TUSC3: variants seen among roughly 807,000 people sequenced by gnomAD.
TUSC3 encodes tumor suppressor candidate 3, also known as dolichyl-diphosphooligosaccharide--protein glycosyltransferase subunit TUSC3.
A neutral mutation model predicts 44.8 loss-of-function variants in TUSC3; 45 were observed. The ratio of observed to expected loss-of-function variants is 1.00; its 90% CI spans 0.79 to 1.29. TUSC3 has a LOEUF of 1.29. Ranked by LOEUF, TUSC3 falls within the 50% of genes most tolerant of loss-of-function variation. TUSC3 has a pLI of 0.00. For synonymous variants in TUSC3, 212 were observed against 152.9 expected, an observed-to-expected ratio of 1.39 and a Z score of -2.85; for missense variants, 519 against 437.9, an observed-to-expected ratio of 1.19 and a Z score of -1.65.
At chr8:15,540,708 G>T (rs989552972) in intron 1 of TUSC3, 140 bp downstream of exon 1, 4 of 1,223,832 alleles carry the variant, frequency 3.3e-6, no homozygotes, top group Non-Finnish European at 4.4e-6. Context: ...AGCCGCGAGG[G>T]TGGGAGGCCC....
chr8:15,679,804 A>G (rs554723565), intron 6 of TUSC3, among the ~76,000 whole-genome samples: 1 of 152,278 alleles, frequency 6.6e-6, no homozygotes, highest in South Asian at 2.1e-4. Context: ...ATTCTTTTGC[A>G]TATGGCTAGC....
intron 1 of TUSC3, among the ~76,000 whole-genome samples, chr8:15,449,564 G>A (rs1483857413): frequency 1.3e-5 from 2 of 152,050 alleles, no homozygotes; most frequent in Non-Finnish European, 2.9e-5. Flanking sequence ...TGAAACTGCT[G>A]GTTTCTCTTT....
intron 2 of TUSC3, among the ~76,000 whole-genome samples, chr8:15,649,413 T>C (rs1250250844): frequency 6.6e-6 from 1 of 151,602 alleles, no homozygotes; most frequent in Non-Finnish European, 1.5e-5. Context: ...TGAAACCCCG[T>C]CTCTACTAAA....
At chr8:15,846,935 T>C in the TUSC3 span, among the ~76,000 whole-genome samples, 1 of 149,480 alleles carries the variant, frequency 6.7e-6, no homozygotes, top group Non-Finnish European at 1.5e-5. Context: ...TGATTCATAA[T>C]AGGTGTTTCT....
chr8:15,550,063 C>A (rs1478176786), intron 1 of TUSC3, among the ~76,000 whole-genome samples: 1 of 151,696 alleles, frequency 6.6e-6, no homozygotes, highest in African/African-American at 2.4e-5. Context: ...CTGCTCACAC[C>A]TGCACCAGTA....
chr8:15,468,643 C>G (rs903499287), intron 1 of TUSC3, among the ~76,000 whole-genome samples: 3 of 152,084 alleles, frequency 2.0e-5, no homozygotes, highest in African/African-American at 2.4e-5. Flanking sequence ...TTGGTTTTAA[C>G]TCATTCAATT....
the TUSC3 span, among the ~76,000 whole-genome samples, chr8:15,813,324 G>T: frequency 2.0e-4 from 30 of 151,564 alleles, no homozygotes; most frequent in East Asian, 2.1e-3. Context: ...TCAACTCAAG[G>T]CAGCTGAGTC....
intron 2 of TUSC3, among the ~76,000 whole-genome samples, chr8:15,508,948 G>C (rs1467654667): frequency 6.6e-6 from 1 of 152,188 alleles, no homozygotes; most frequent in Non-Finnish European, 1.5e-5. Flanking sequence ...TGAAAGTTTA[G>C]AAAGTTATAT....
intron 1 of TUSC3, among the ~76,000 whole-genome samples, chr8:15,587,522 G>A (rs1400912402): frequency 3.9e-5 from 6 of 152,112 alleles, no homozygotes; most frequent in African/African-American, 7.2e-5. Flanking sequence ...TCAAATCAGG[G>A]TAATTAGCAT....
At chr8:15,584,503 G>A (rs1035607996) in intron 1 of TUSC3, among the ~76,000 whole-genome samples, 3 of 152,212 alleles carry the variant, frequency 2.0e-5, no homozygotes, top group East Asian at 1.9e-4. Context: ...ACTCTTTAGT[G>A]AGGGAGACAG....
intron 2 of TUSC3, among the ~76,000 whole-genome samples, chr8:15,487,595 G>C (rs536288632): frequency 2.6e-5 from 4 of 152,272 alleles, no homozygotes; most frequent in African/African-American, 7.2e-5. Context: ...TGATACACAA[G>C]ATAACACCAG....
chr8:15,420,261 C>T (rs565831445), intron 1 of TUSC3, among the ~76,000 whole-genome samples: 4 of 152,126 alleles, frequency 2.6e-5, no homozygotes, highest in Admixed American at 6.5e-5. Flanking sequence ...CTTTGGGAGG[C>T]CAAGGCAGGC....
chr8:15,842,711 C>G, the TUSC3 span, among the ~76,000 whole-genome samples: 1 of 152,170 alleles, frequency 6.6e-6, no homozygotes, highest in Non-Finnish European at 1.5e-5. Flanking sequence ...AATTTTTGGT[C>G]TGTGATGTAA....
At chr8:15,653,815 C>T (rs1807026645) in intron 3 of TUSC3, among the ~76,000 whole-genome samples, 1 of 152,124 alleles carries the variant, frequency 6.6e-6, no homozygotes. Flanking sequence ...TGCTGAAGTA[C>T]TGTCTCTGAA....
chr8:15,772,583 AT>A, the TUSC3 span, among the ~76,000 whole-genome samples: 1 of 152,212 alleles, frequency 6.6e-6, no homozygotes, highest in African/African-American at 2.4e-5. Context: ...GTTACACCAA[AT>A]ATTTAAAGAA....
intron 1 of TUSC3, among the ~76,000 whole-genome samples, chr8:15,476,002 T>G (rs889452078): frequency 6.6e-6 from 1 of 152,210 alleles, no homozygotes; most frequent in Non-Finnish European, 1.5e-5. Flanking sequence ...CTTTTTGGCT[T>G]TCTGTACATC....
chr8:15,782,032 G>A, the TUSC3 span, among the ~76,000 whole-genome samples: 62 of 152,312 alleles, frequency 4.1e-4, no homozygotes, highest in African/African-American at 1.5e-3. Flanking sequence ...CTACTTGGGA[G>A]GCTGAGGCAG....
downstream of TUSC3, among the ~76,000 whole-genome samples, chr8:15,770,955 A>G (rs1812431612): frequency 6.6e-6 from 1 of 152,226 alleles, no homozygotes; most frequent in Non-Finnish European, 1.5e-5. Context: ...AAAGAGATCC[A>G]TACCAAGACA....
intron 1 of TUSC3, among the ~76,000 whole-genome samples, chr8:15,445,082 T>A (rs530014971): frequency 1.3e-5 from 2 of 152,192 alleles, no homozygotes; most frequent in African/African-American, 4.8e-5. Flanking sequence ...AAACAAAAAA[T>A]TTGACAGGAA....
Sources: gnomAD v4.1 joint callset for allele counts (sites outside exome capture counted in the v4.1 genomes callset) on GRCh38, gnomAD v4.1.1 for gene constraint, MANE v1.5 for transcripts, NCBI Gene and HGNC (gene_info 2026-07-23, HGNC 2026-07-21) for gene names.